The following GNAQ variants were observed in gnomAD, a reference collection of about 807,000 sequenced individuals.
GNAQ encodes the protein G protein subunit alpha q.
A neutral mutation model predicts 43.9 loss-of-function variants in GNAQ; 8 were observed. The ratio of observed to expected loss-of-function variants is 0.18; its 90% CI spans 0.11 to 0.33. The LOEUF is 0.33. Ranked by LOEUF, GNAQ falls within the 10% of genes least tolerant of loss-of-function variation. The pLI, the probability that GNAQ is intolerant of heterozygous loss-of-function variation, is 1.00. For synonymous variants in GNAQ, 155 were observed against 170.7 expected (o/e 0.91, Z 0.71); for missense variants, 158 against 450.8 (o/e 0.35, Z 5.88).
chr9:78,003,056 G>A (rs565125804), intron 1 of GNAQ, among the ~76,000 whole-genome samples: 5 of 152,162 alleles, frequency 3.3e-5, no homozygotes, highest in Middle Eastern at 6.8e-3. Flanking sequence ...TTTGGAAAAC[G>A]GTATTCAAAA....
At chr9:77,947,918 C>T (rs542993561) in intron 1 of GNAQ, among the ~76,000 whole-genome samples, 1 of 152,236 alleles carries the variant, frequency 6.6e-6, no homozygotes, top group East Asian at 1.9e-4. Flanking sequence ...GAGCAACTTA[C>T]TTAAAATCTC....
At chr9:77,857,799 C>CT in intron 2 of GNAQ, among the ~76,000 whole-genome samples, 1 of 150,378 alleles carries the variant, frequency 6.6e-6, no homozygotes, top group Middle Eastern at 3.2e-3. Context: ...TTTTTCAAGG[C>CT]CATTTTCTTT....
At chr9:77,863,322 CA>C (rs1827890956) in intron 2 of GNAQ, among the ~76,000 whole-genome samples, 1 of 152,164 alleles carries the variant, frequency 6.6e-6, no homozygotes, top group Non-Finnish European at 1.5e-5. Flanking sequence ...ATCTCTAGGG[CA>C]GGGGCAAAAC....
chr9:77,775,397 C>A (rs571145114), intron 5 of GNAQ, among the ~76,000 whole-genome samples: 1 of 148,820 alleles, frequency 6.7e-6, no homozygotes, highest in African/African-American at 2.5e-5. Context: ...ATGTTCACTT[C>A]TCCTCATCTC....
intron 2 of GNAQ, among the ~76,000 whole-genome samples, chr9:77,818,728 G>A (rs1218511885): frequency 6.6e-6 from 1 of 152,142 alleles, no homozygotes; most frequent in Non-Finnish European, 1.5e-5. Context: ...GGCCAGCCAT[G>A]CTGGCTCATG....
At chr9:77,911,124 T>C (rs1828794786) in intron 2 of GNAQ, among the ~76,000 whole-genome samples, 1 of 152,216 alleles carries the variant, frequency 6.6e-6, no homozygotes, top group Non-Finnish European at 1.5e-5. Flanking sequence ...AAAGATGAAC[T>C]GAGCTGTGGC....
intron 1 of GNAQ, among the ~76,000 whole-genome samples, chr9:77,978,843 G>C (rs902887133): frequency 6.6e-6 from 1 of 152,108 alleles, no homozygotes; most frequent in African/African-American, 2.4e-5. Context: ...TGGATCAATT[G>C]AGGTCAGTTC....
chr9:77,830,178 C>T (rs960456914), intron 2 of GNAQ, among the ~76,000 whole-genome samples: 3 of 152,070 alleles, frequency 2.0e-5, no homozygotes, highest in Non-Finnish European at 4.4e-5. Flanking sequence ...GTCGTGAATT[C>T]CCATGCTCAA....
chr9:77,865,160 G>A (rs938754672), intron 2 of GNAQ, among the ~76,000 whole-genome samples: 3 of 152,102 alleles, frequency 2.0e-5, no homozygotes, highest in Non-Finnish European at 4.4e-5. Context: ...AGCTCACTCC[G>A]CTCTTCCATA....
chr9:78,019,923 CA>C (rs34222702), intron 1 of GNAQ, among the ~76,000 whole-genome samples: 6,631 of 94,018 alleles, frequency 0.071, 188 homozygotes, highest in East Asian at 0.22. Context: ...GACTCCATCT[CA>C]AAAAAAAAAA....
chr9:77,974,719 A>T (rs1823277221), intron 1 of GNAQ, among the ~76,000 whole-genome samples: 1 of 152,186 alleles, frequency 6.6e-6, no homozygotes, highest in African/African-American at 2.4e-5. Flanking sequence ...GCCAGCTGAG[A>T]AGACTCTCTG....
At chr9:77,931,425 T>C (rs983645804) in intron 1 of GNAQ, among the ~76,000 whole-genome samples, 3 of 151,884 alleles carry the variant, frequency 2.0e-5, no homozygotes, top group Non-Finnish European at 4.4e-5. Context: ...ACCCCATCTC[T>C]ACCAAAAATA....
At position 77,889,533 on chromosome 9, in the gene GNAQ, G is replaced by C. The variant is rs895394029; in HGVS notation, c.321+32628C>G. Among the ~76,000 whole-genome samples the C allele has an allele frequency of 2.0e-5, 3 of 151,230 alleles. No individual in the cohort carries two copies. In the East Asian group the frequency reaches 5.9e-4, roughly 30 times the overall value. On this transcript the variant is annotated intron_variant, in intron 2 of 6. Transcript: ENST00000286548. ...ATCTTGCTTTTGTCTGTAAATTGCA[G>C]GGTTTTCAGAATATTCTCAAAGAAG...
intron 1 of GNAQ, among the ~76,000 whole-genome samples, chr9:77,954,117 G>C (rs188103368): frequency 1.1e-4 from 16 of 152,262 alleles, no homozygotes; most frequent in Non-Finnish European, 2.2e-4. Flanking sequence ...ATCCTGAAAA[G>C]TCCAATTTCA....
chr9:77,724,455 C>T (rs1179497466), intron 6 of GNAQ, among the ~76,000 whole-genome samples: 1 of 152,150 alleles, frequency 6.6e-6, no homozygotes, highest in Non-Finnish European at 1.5e-5. Context: ...CCTTGGCCTC[C>T]CAAAGTGCTG....
intron 1 of GNAQ, among the ~76,000 whole-genome samples, chr9:78,015,711 GA>G (rs1341705865): frequency 6.6e-6 from 1 of 150,976 alleles, no homozygotes; most frequent in African/African-American, 2.4e-5. Flanking sequence ...AACTAAGGTT[GA>G]AAAAAAACTA....
intron 1 of GNAQ, among the ~76,000 whole-genome samples, chr9:77,950,449 T>C (rs2118378860): frequency 6.6e-6 from 1 of 152,322 alleles, no homozygotes; most frequent in East Asian, 1.9e-4. Context: ...CCACAAGCCT[T>C]CCCCATTCAG....
intron 5 of GNAQ, among the ~76,000 whole-genome samples, chr9:77,779,112 T>C (rs1826348153): frequency 6.6e-6 from 1 of 151,904 alleles, no homozygotes; most frequent in Non-Finnish European, 1.5e-5. Flanking sequence ...AACAGCAGAA[T>C]GCACATTCTT....
rs1472968078 is a variant in GNAQ, at chr9:77,902,935, C to T, written c.321+19226G>A. Among the ~76,000 whole-genome samples, 27 of 152,070 alleles carry T rather than the reference C, an allele frequency of 1.8e-4. 1 individual carries two copies. The highest frequency in any genetic ancestry group is 1.8e-3 in the Admixed American group (27 of 15,256). On this transcript the variant is annotated intron_variant, in intron 2 of 6. Transcript: ENST00000286548. The stretch of plus-strand genomic sequence containing the variant: ...TGGAGTTTCTGCTTTAACAATTTTG[C>T]AATTTGGGCCAGGCCTTAGTATCAC...
Sources: gnomAD v4.1 joint callset for allele counts (sites outside exome capture counted in the v4.1 genomes callset) on GRCh38, gnomAD v4.1.1 for gene constraint, MANE v1.5 for transcripts, NCBI Gene and HGNC (gene_info 2026-07-23, HGNC 2026-07-21) for gene names.